UBR2: variants seen among roughly 807,000 people sequenced by gnomAD.
UBR2 encodes the protein ubiquitin protein ligase E3 component n-recognin 2, also known as E3 ubiquitin-protein ligase UBR2.
In UBR2, 92 loss-of-function variants were observed where a neutral mutation model predicts 247.9. The observed-to-expected ratio is 0.37, with a 90% CI of 0.31 to 0.44. UBR2 has a LOEUF of 0.44. UBR2 is among the 20% of genes least tolerant of loss of function. UBR2 has a pLI of 1.00. For missense variants in UBR2, 1,613 were observed against 2,112.6 expected (o/e 0.76, Z 4.64); for synonymous variants, 672 against 693.5 (o/e 0.97, Z 0.49).
At chr6:42,611,128 G>A (rs1794049596) in intron 7 of UBR2, among the ~76,000 whole-genome samples, 1 of 147,322 alleles carries the variant, frequency 6.8e-6, no homozygotes, top group African/African-American at 2.5e-5. Context: ...TTACAGGTGT[G>A]AGCTACCGTG....
chr6:42,590,599 T>C (rs888410581), intron 2 of UBR2, among the ~76,000 whole-genome samples: 24 of 152,216 alleles, frequency 1.6e-4, no homozygotes, highest in African/African-American at 5.8e-4. Context: ...ATAGACATTG[T>C]ATGCTGGTAA....
chr6:42,667,587 CTTTTTTTTT>C (rs1161068427), intron 34 of UBR2, among the ~76,000 whole-genome samples: 4 of 47,428 alleles, frequency 8.4e-5, no homozygotes, highest in African/African-American at 3.6e-4. Context: ...ACAGTTTTGT[CTTTTTTTTT>C]TTTTTTTTTT....
intron 23 of UBR2, among the ~76,000 whole-genome samples, chr6:42,651,211 A>C (rs1170717744): frequency 6.6e-6 from 1 of 151,440 alleles, no homozygotes; most frequent in Non-Finnish European, 1.5e-5. Context: ...GATGGGAGTG[A>C]GACCGTATCT....
At chr6:42,665,986 T>C (rs950997873) in intron 33 of UBR2, among the ~76,000 whole-genome samples, 181 bp from the exon 34 acceptor site, 6 of 152,338 alleles carry the variant, frequency 3.9e-5, no homozygotes, top group Non-Finnish European at 7.3e-5. Context: ...AGGAAAAGCA[T>C]AGTTAAGAAA....
chr6:42,680,789 C>T (rs1389228359), intron 42 of UBR2, among the ~76,000 whole-genome samples: 2 of 152,128 alleles, frequency 1.3e-5, no homozygotes, highest in Non-Finnish European at 2.9e-5. Context: ...CCAGAATAGG[C>T]CGGGCACAGT....
intron 14 of UBR2, 61 bp from the exon 15 acceptor site, chr6:42,636,950 T>C (rs1251023051): frequency 6.5e-7 from 1 of 1,540,952 alleles, no homozygotes; most frequent in East Asian, 2.3e-5. Flanking sequence ...TTTAAGGTGC[T>C]TATTCAATGT....
At chr6:42,597,200 C>T (rs1376489585) in intron 4 of UBR2, among the ~76,000 whole-genome samples, 1 of 152,130 alleles carries the variant, frequency 6.6e-6, no homozygotes, top group Non-Finnish European at 1.5e-5. Flanking sequence ...AGCAAGCTCC[C>T]CTGCCTAGCC....
chr6:42,649,292 A>G (rs1313142094), intron 22 of UBR2, among the ~76,000 whole-genome samples: 1 of 152,226 alleles, frequency 6.6e-6, no homozygotes, highest in Non-Finnish European at 1.5e-5. Context: ...TACTGGCATG[A>G]GCTATGGTGC....
At chr6:42,623,503 G>GT (rs1795137572) in intron 11 of UBR2, among the ~76,000 whole-genome samples, 1 of 152,182 alleles carries the variant, frequency 6.6e-6, no homozygotes, top group Non-Finnish European at 1.5e-5. Context: ...GCAGGCTGGA[G>GT]TGCAGTGGTG....
At chr6:42,581,069 A>G (rs1791862979) in intron 2 of UBR2, among the ~76,000 whole-genome samples, 1 of 136,834 alleles carries the variant, frequency 7.3e-6, no homozygotes. Flanking sequence ...GCTGGAGTGC[A>G]ATGGCATGAT....
chr6:42,675,248 A>T (rs761102608), intron 38 of UBR2, among the ~76,000 whole-genome samples: 2 of 152,196 alleles, frequency 1.3e-5, no homozygotes, highest in African/African-American at 2.4e-5. Flanking sequence ...CAGAGCTAGC[A>T]TTTGTGTACC....
At chr6:42,617,183 A>G in intron 10 of UBR2, 1 of 1,525,332 alleles carries the variant, frequency 6.6e-7, no homozygotes, top group African/African-American at 1.4e-5. Context: ...TTTTCATTAT[A>G]ATCCTTAAAC....
At chr6:42,627,571 C>G (rs1284160753) in intron 11 of UBR2, among the ~76,000 whole-genome samples, 1 of 152,092 alleles carries the variant, frequency 6.6e-6, no homozygotes, top group Non-Finnish European at 1.5e-5. Context: ...AATCGTGGCC[C>G]ACTGCAGCCT....
In UBR2 at chr6:42,659,891, T is replaced by G; in HGVS notation, c.3442+36T>G. On this transcript the variant is annotated intron_variant, in intron 30 of 46. Coordinates refer to ENST00000372901, the MANE Select transcript of UBR2 (RefSeq NM_001363705.2). This position sits in a 1 kb window ranked among gnomAD's most constrained non-coding sequence, Gnocchi z 4.3. ...GCTAGATCCTCATCTTCCCTTTTAATAACAACTGCCAGTTAATGTGGTTGG... is the reference window on the plus strand; with the variant it reads ...GCTAGATCCTCATCTTCCCTTTTAAGAACAACTGCCAGTTAATGTGGTTGG... The G allele has an allele frequency of 6.3e-7, 1 of 1,591,672 alleles. No homozygotes were observed. Among genetic ancestry groups the G allele is most frequent in the African/African-American group, 1.3e-5 (1 of 74,530 alleles).
In UBR2 at chr6:42,637,133, C is replaced by G. The variant is rs746900823; in HGVS notation, c.1797C>G (p.Ile599Met). 5.6e-6 allele frequency: 9 copies of G among 1,614,116 alleles called. No homozygotes were observed. Among genetic ancestry groups the G allele is most frequent in the Non-Finnish European group, 7.6e-6 (9 of 1,179,990 alleles). The change falls in exon 15 of 47, where the codon ATC becomes ATG. Residue 599 changes from isoleucine (I) to methionine (M), a missense_variant. Coordinates refer to ENST00000372901, the MANE Select transcript of UBR2 (RefSeq NM_001363705.2). The stretch of plus-strand genomic sequence containing the variant: ...TTTGTGGACATTCAGTGGAAACTAT[C>G]AGATACTGTGTTTCCCAAGAAAAAG... ...LSICGHSVETIRYCVSQEKVS... is the reference protein window; with the variant it reads ...LSICGHSVETMRYCVSQEKVS...
At chr6:42,656,767 C>T (rs1050393665) in intron 26 of UBR2, among the ~76,000 whole-genome samples, 13 of 152,158 alleles carry the variant, frequency 8.5e-5, no homozygotes, top group Non-Finnish European at 1.9e-4. Flanking sequence ...GAGGAGAAAC[C>T]ACCTTTTCCC....
At chr6:42,674,627 T>C (rs527923848) in intron 38 of UBR2, among the ~76,000 whole-genome samples, 154 of 152,150 alleles carry the variant, frequency 1.0e-3, no homozygotes, top group Non-Finnish European at 1.8e-3. Context: ...CTGGGCGTGG[T>C]GGCACATGCC....
rs572579613 is a variant in UBR2, at chr6:42,614,370, A to G, written c.986-701A>G. Among the ~76,000 whole-genome samples, 371 of 124,494 alleles carry G rather than the reference A, an allele frequency of 3.0e-3. 6 individuals are homozygous for G. The highest frequency in any genetic ancestry group is 0.011 in the African/African-American group (356 of 31,294). 81.7% of individuals were successfully genotyped at this position (124,494 alleles called of 152,430 possible). ...TATGTATGTGTGTATATATGTGTGT[A>G]TGTGTGTATATATGTATGTACGTAC... On this transcript the variant is annotated intron_variant, in intron 8 of 46. Transcript: ENST00000372901.
Position 42,652,569 on chromosome 6 carries a change from T to G in UBR2, c.2693T>G (p.Leu898Trp). Residue 898 changes from leucine to tryptophan, a missense_variant, in exon 25 of 47, where the codon TTG (leucine) becomes TGG (tryptophan). Around this residue, in one of 3 missense-constraint regions of UBR2, gnomAD observed 1,524 missense variants for 1,967.3 expected, o/e 0.77. Coordinates refer to ENST00000372901, the MANE Select transcript of UBR2 (RefSeq NM_001363705.2). Reference sequence around the variant, plus strand: ...AACATTTTGCAGTCAGATGTCATGTTGTGCATCATGGGAACAATTCTGCAA... The same window carrying G: ...AACATTTTGCAGTCAGATGTCATGTGGTGCATCATGGGAACAATTCTGCAA... ...LVNILQSDVM[L>W]CIMGTILQWA... 1 of 1,613,840 alleles carries G rather than the reference T, an allele frequency of 6.2e-7. No individual in the cohort carries two copies. Among genetic ancestry groups the G allele is most frequent in the Non-Finnish European group, 8.5e-7 (1 of 1,179,978 alleles).
Sources: allele counts gnomAD v4.1 joint callset (sites outside exome capture counted in the v4.1 genomes callset), GRCh38; gene constraint gnomAD v4.1.1; regional missense constraint gnomAD v4.1.1; non-coding constraint Gnocchi (gnomAD v3.1); transcripts MANE v1.5; gene names NCBI Gene and HGNC (gene_info 2026-07-23, HGNC 2026-07-21).